Variants in C1GALT1 observed in about 807,000 individuals in gnomAD.
C1GALT1 encodes core 1 synthase, glycoprotein-N-acetylgalactosamine 3-beta-galactosyltransferase 1.
C1GALT1 carries 11 observed loss-of-function variants against 31.0 expected under a neutral mutation model. The ratio of observed to expected loss-of-function variants is 0.36; its 90% confidence interval spans 0.22 to 0.59. The LOEUF is 0.59. Among genes scored for constraint, C1GALT1 ranks in the 20% least tolerant of loss-of-function variants. The pLI is 0.79. For synonymous variants in C1GALT1, 175 were observed against 143.6 expected (o/e 1.22, Z -1.56); for missense variants, 424 against 425.2 (o/e 1.00, Z 0.03).
chr7:7,204,097 G>GTTTTTTT (rs74853892), intron 1 of C1GALT1, among the ~76,000 whole-genome samples: 2 of 129,656 alleles, frequency 1.5e-5, no homozygotes, highest in African/African-American at 2.9e-5. Flanking sequence ...CTCCTCTTCT[G>GTTTTTTT]TTTTTTTTTT....
chr7:7,177,637 C>T (rs1780519085), upstream of C1GALT1, among the ~76,000 whole-genome samples: 1 of 152,154 alleles, frequency 6.6e-6, no homozygotes, highest in Admixed American at 6.5e-5. Context: ...TACCATTCTG[C>T]CATACTCTTA....
intron 2 of C1GALT1, 123 bp downstream of exon 2, chr7:7,234,662 G>GT: frequency 1.4e-6 from 1 of 707,644 alleles, no homozygotes; most frequent in Non-Finnish European, 2.3e-6. Flanking sequence ...ATAATTCTTG[G>GT]TTTGCCTCAA....
chr7:7,205,229 C>T (rs903237265), intron 1 of C1GALT1, among the ~76,000 whole-genome samples: 1 of 152,078 alleles, frequency 6.6e-6, no homozygotes, highest in African/African-American at 2.4e-5. Context: ...GACCCCTGAA[C>T]AACACAGAGG....
intron 1 of C1GALT1, among the ~76,000 whole-genome samples, chr7:7,200,408 C>T (rs1781484775): frequency 6.6e-6 from 1 of 152,180 alleles, no homozygotes; most frequent in Non-Finnish European, 1.5e-5. Context: ...GCAGAGAGAT[C>T]TGCTGTTAGT....
chr7:7,234,213 TCCGTTATAG>T (rs1437786549), intron 1 of C1GALT1, 81 bp from the exon 2 acceptor site: 1 of 916,706 alleles, frequency 1.1e-6, no homozygotes, highest in African/African-American at 1.7e-5. Flanking sequence ...AAATTAACTT[TCCGTTATAG>T]CTAAATGTTA....
intron 1 of C1GALT1, among the ~76,000 whole-genome samples, chr7:7,193,914 A>G (rs1781177198): frequency 6.6e-6 from 1 of 150,860 alleles, no homozygotes; most frequent in African/African-American, 2.5e-5. Flanking sequence ...ATTCCTAAGT[A>G]TTTTATTTTT....
At chr7:7,197,649 T>C (rs1278031933) in intron 1 of C1GALT1, among the ~76,000 whole-genome samples, 3 of 151,764 alleles carry the variant, frequency 2.0e-5, no homozygotes, top group Non-Finnish European at 4.4e-5. Context: ...GCCATTTTCA[T>C]GATATTGATT....
intron 3 of C1GALT1, among the ~76,000 whole-genome samples, chr7:7,242,341 T>C (rs1562600978): frequency 2.0e-5 from 3 of 151,994 alleles, no homozygotes. Context: ...ATTCTGATAT[T>C]TCCTAAAGGT....
At chr7:7,200,190 T>G (rs1251973639) in intron 1 of C1GALT1, among the ~76,000 whole-genome samples, 3 of 152,220 alleles carry the variant, frequency 2.0e-5, no homozygotes, top group African/African-American at 7.2e-5. Context: ...GGTTGTTCCT[T>G]TCCATGTTTA....
chr7:7,191,641 AC>A (rs1459625179), intron 1 of C1GALT1, among the ~76,000 whole-genome samples: 1 of 142,424 alleles, frequency 7.0e-6, no homozygotes, highest in Non-Finnish European at 1.5e-5. Context: ...TCAACACTTA[AC>A]AATTTTCTGA....
intron 1 of C1GALT1, among the ~76,000 whole-genome samples, chr7:7,196,659 A>G (rs1781301022): frequency 6.6e-6 from 1 of 152,178 alleles, no homozygotes; most frequent in African/African-American, 2.4e-5. Flanking sequence ...ACAATGGTTG[A>G]ACTAGTTTAC....
intron 1 of C1GALT1, among the ~76,000 whole-genome samples, chr7:7,185,307 G>A (rs1231508170): frequency 6.6e-6 from 1 of 152,214 alleles, no homozygotes; most frequent in Non-Finnish European, 1.5e-5. Flanking sequence ...ACGGCTAGAT[G>A]TTGGATAATA....
intron 2 of C1GALT1, among the ~76,000 whole-genome samples, chr7:7,235,850 G>A (rs1583831569): frequency 6.6e-6 from 1 of 152,040 alleles, no homozygotes; most frequent in Admixed American, 6.5e-5. Flanking sequence ...TAGCCAATTC[G>A]ATTTGTCAGT....
intron 1 of C1GALT1, chr7:7,183,584 T>C: frequency 1.0e-6 from 1 of 985,232 alleles, no homozygotes; most frequent in South Asian, 4.7e-5. Flanking sequence ...GTCCATTTGC[T>C]TTGAATTTGG....
rs1783930171 is a variant in C1GALT1, at chr7:7,248,359, A to G, written c.*4632A>G. On this transcript the variant is annotated 3_prime_UTR_variant, in exon 4 of 4. Coordinates refer to ENST00000436587, the MANE Select transcript of C1GALT1 (RefSeq NM_020156.5). Reference sequence around the variant, plus strand: ...CCCTGCAAATTAATAATCTACATGAAGTATATTATTAGAGGGAAACTAATC... The same window carrying G: ...CCCTGCAAATTAATAATCTACATGAGGTATATTATTAGAGGGAAACTAATC... The G allele has an allele frequency of 6.6e-6, 1 of 151,984 alleles. No individual in the cohort carries two copies. Among genetic ancestry groups the G allele is most frequent in the Non-Finnish European group, 1.5e-5 (1 of 67,870 alleles). The allele number at this position is 151,984 out of a possible 1,614,324, so 9.4% of individuals were successfully genotyped here. A position where few individuals can be genotyped will look rare whatever the true frequency, so the allele number is the denominator to read the frequency against.
intron 2 of C1GALT1, among the ~76,000 whole-genome samples, chr7:7,174,117 AAG>A (rs1780481134): frequency 1.3e-5 from 2 of 152,004 alleles, no homozygotes; most frequent in Admixed American, 1.3e-4. Context: ...GAGAGACAGA[AAG>A]AGAGAGTGCT....
At chr7:7,212,445 C>T (rs1434412009) in intron 1 of C1GALT1, among the ~76,000 whole-genome samples, 1 of 152,156 alleles carries the variant, frequency 6.6e-6, no homozygotes, top group African/African-American at 2.4e-5. Context: ...TGCACTAATG[C>T]AAACAACTAT....
At chr7:7,182,849 A>G (rs1023491647) in intron 1 of C1GALT1, 29 bp downstream of exon 1, 1 of 985,324 alleles carries the variant, frequency 1.0e-6, no homozygotes, top group Non-Finnish European at 1.2e-6. Context: ...CCCTCAGGCT[A>G]CGGGTCCAAG....
chr7:7,167,514 T>G (rs1272972006), intron 2 of C1GALT1, among the ~76,000 whole-genome samples: 1 of 152,174 alleles, frequency 6.6e-6, no homozygotes, highest in African/African-American at 2.4e-5. Context: ...AGAATACTGT[T>G]AAGAGTAATA....
Sources: gnomAD v4.1 joint callset for allele counts (sites outside exome capture counted in the v4.1 genomes callset) on GRCh38, gnomAD v4.1.1 for gene constraint, MANE v1.5 for transcripts, NCBI Gene and HGNC (gene_info 2026-07-23, HGNC 2026-07-21) for gene names.